The following PCDHGB4 variants were observed in gnomAD, a reference collection of about 807,000 sequenced individuals.
The protein encoded by PCDHGB4 is protocadherin gamma subfamily B, 4.
Under a neutral mutation model 60.5 loss-of-function variants are expected in PCDHGB4, and 38 were observed. The ratio of observed to expected loss-of-function variants is 0.63; its 90% CI spans 0.48 to 0.82. PCDHGB4 has a LOEUF of 0.82. Among genes scored for constraint, PCDHGB4 ranks in the 40% least tolerant of loss-of-function variants. PCDHGB4 has a pLI of 0.00. For missense variants in PCDHGB4, 1,109 were observed against 1,209.6 expected (o/e 0.92, Z 1.23); for synonymous variants, 456 against 509.7 (o/e 0.89, Z 1.42).
At chr5:141,398,700 C>T in intron 1 of PCDHGB4, 1 of 1,613,844 alleles carries the variant, frequency 6.2e-7, no homozygotes, top group Non-Finnish European at 8.5e-7. Context: ...GTAGTAAATA[C>T]CCGGAACTGG....
Position 141,511,132 on chromosome 5 carries a change from A to G in PCDHGB4, c.2731A>G (p.Asn911Asp). The change falls in exon 4 of 4, where the codon AAT (asparagine) becomes GAT (aspartate). Residue 911 changes from asparagine to aspartate, a missense_variant. Around this residue, in one of 2 missense-constraint regions of PCDHGB4, gnomAD observed 1,068 missense variants for 1,089.9 expected, o/e 0.98. Coordinates refer to ENST00000519479, the MANE Select transcript of PCDHGB4 (RefSeq NM_003736.4). ...GGATGGCAAGGCCCCAGCAGGTGGC[A>G]ATGGCAACAAGAAGAAGTCGGGCAA... ...KRDGKAPAGG[N>D]GNKKKSGKKE... is the part of the protein sequence containing the mutation. The G allele has an allele frequency of 6.2e-7, 1 of 1,614,218 alleles. No individual in the cohort carries two copies. Among genetic ancestry groups the G allele is most frequent in the Non-Finnish European group, 8.5e-7 (1 of 1,180,018 alleles).
At chr5:141,401,417 G>A (rs1404967672) in intron 1 of PCDHGB4, among the ~76,000 whole-genome samples, 1 of 152,136 alleles carries the variant, frequency 6.6e-6, no homozygotes, top group Non-Finnish European at 1.5e-5. Flanking sequence ...GAAAGAGAGA[G>A]ACTGATTCAC....
intron 1 of PCDHGB4, among the ~76,000 whole-genome samples, chr5:141,445,415 C>A (rs1235584061): frequency 6.6e-6 from 1 of 152,140 alleles, no homozygotes; most frequent in Non-Finnish European, 1.5e-5. Context: ...TAACTGTCTG[C>A]TATATGCAAG....
rs1342408505 is a variant in PCDHGB4 at position 141,409,977 on chromosome 5, T to C, written c.2397+19696T>C. The C allele has an allele frequency of 1.2e-6, 2 of 1,613,300 alleles. No individual in the cohort carries two copies. Among genetic ancestry groups the C allele is most frequent in the African/African-American group, 2.7e-5 (2 of 75,026 alleles). ...CCCGGCTACCTAGTGACTAAGGTGGTAGCGGTGGACGCCGACTCGGGACAC... is the reference window on the plus strand; with the variant it reads ...CCCGGCTACCTAGTGACTAAGGTGGCAGCGGTGGACGCCGACTCGGGACAC... On this transcript the variant is annotated intron_variant, in intron 1 of 3. Transcript: ENST00000519479.
intron 1 of PCDHGB4, chr5:141,391,114 A>G (rs2092301730): frequency 6.6e-6 from 1 of 152,176 alleles, no homozygotes; most frequent in African/African-American, 2.4e-5. Context: ...TAATATAGCT[A>G]GAGGTCTTCT....
rs200868391 is a variant in PCDHGB4 at position 141,415,586 on chromosome 5, C to T, written c.2397+25305C>T. 540 of 1,613,746 alleles carry T rather than the reference C, an allele frequency of 3.3e-4. No individual in the cohort carries two copies. Among genetic ancestry groups the T allele is most frequent in the Non-Finnish European group, 4.5e-4 (527 of 1,179,996 alleles). ...TCTTTGTTAGATGATTCGAAGTTTCCTATAGAGGATACCCCATTGGTTCCA... is the reference window on the plus strand; with the variant it reads ...TCTTTGTTAGATGATTCGAAGTTTCTTATAGAGGATACCCCATTGGTTCCA... On this transcript the variant is annotated intron_variant, in intron 1 of 3. Coordinates refer to ENST00000519479, the MANE Select transcript of PCDHGB4 (RefSeq NM_003736.4).
At chr5:141,415,314 C>A (rs375384840) in intron 1 of PCDHGB4, 1 of 1,614,238 alleles carries the variant, frequency 6.2e-7, no homozygotes, top group Non-Finnish European at 8.5e-7. Context: ...CCTTCGTCAT[C>A]GTGCTGCTGG....
In PCDHGB4 at chr5:141,491,632, C is replaced by T; in HGVS notation, c.2398-3175C>T. On this transcript the variant is annotated intron_variant, in intron 1 of 3. Transcript: ENST00000519479. This position sits in a 1 kb window ranked among gnomAD's most constrained non-coding sequence, Gnocchi z 6.9. ...TCTAAGACCCCTCAGCGTTCAGCAG[C>T]CCACAGCTCTGGCGCTGGAGCCTGA... 1.2e-6 allele frequency: 2 copies of T among 1,613,886 alleles called. No individual in the cohort carries two copies. The highest frequency in any genetic ancestry group is 1.7e-6 in the Non-Finnish European group (2 of 1,179,994).
In PCDHGB4 at chr5:141,389,303, G is replaced by A. The variant is rs773665051; in HGVS notation, c.1419G>A (p.Arg473=). Residue 473 remains arginine, a synonymous_variant, in exon 1 of 4, where the codon AGG becomes AGA. Coordinates refer to ENST00000519479, the MANE Select transcript of PCDHGB4 (RefSeq NM_003736.4). ...NPPGASISQV[R]ASDPDLGPNG... Reference sequence around the variant, plus strand: ...CTGGAGCCTCTATTTCACAAGTCAGGGCTTCTGATCCGGACTTGGGGCCCA... The same window carrying A: ...CTGGAGCCTCTATTTCACAAGTCAGAGCTTCTGATCCGGACTTGGGGCCCA... The A allele has an allele frequency of 2.5e-6, 4 of 1,613,882 alleles. No homozygotes were observed. Among genetic ancestry groups the A allele is most frequent in the Non-Finnish European group, 3.4e-6 (4 of 1,179,910 alleles).
intron 1 of PCDHGB4, among the ~76,000 whole-genome samples, chr5:141,446,777 C>CTT (rs1480571336): frequency 1.3e-5 from 2 of 152,072 alleles, no homozygotes; most frequent in Non-Finnish European, 2.9e-5. Flanking sequence ...GGTTACCATT[C>CTT]TTTTACTCTG....
intron 1 of PCDHGB4, among the ~76,000 whole-genome samples, chr5:141,449,586 C>T (rs2098645911): frequency 1.6e-5 from 2 of 125,482 alleles, no homozygotes; most frequent in East Asian, 2.3e-4. Context: ...AAGACTCTGT[C>T]TCAAAAAAAA....
chr5:141,475,254 C>T (rs776471860), intron 1 of PCDHGB4, among the ~76,000 whole-genome samples: 9 of 152,208 alleles, frequency 5.9e-5, no homozygotes, highest in Admixed American at 1.3e-4. Flanking sequence ...TGCTCTACAA[C>T]TGAGATCATG....
rs755878131 is a variant in PCDHGB4 at position 141,388,544 on chromosome 5, A to C, written c.660A>C (p.Pro220=). Residue 220 remains proline (P), a synonymous_variant, in exon 1 of 4, where the codon CCA becomes CCC. Coordinates refer to ENST00000519479, the MANE Select transcript of PCDHGB4 (RefSeq NM_003736.4). ...TGACTGCCTTGGACTTTGGAGCTCC[A>C]CCCCTAAGCAGCACTGCACAGATAC... The part of the protein sequence containing the change: ...LTLTALDFGA[P]PLSSTAQIHV... 5.6e-6 allele frequency: 9 copies of C among 1,613,654 alleles called. No individual in the cohort carries two copies. Among genetic ancestry groups the C allele is most frequent in the Non-Finnish European group, 6.8e-6 (8 of 1,179,890 alleles).
Position 141,485,950 on chromosome 5 carries a change from G to A in PCDHGB4, c.2398-8857G>A. ...TGTTGGAGAGCGCACCAGCGGGCAT[G>A]GTGCTCATCCAGCTCAATGCCTCAG... On this transcript the variant is annotated intron_variant, in intron 1 of 3. Transcript: ENST00000519479. The surrounding 1 kb of genome is among the most constrained non-coding windows in gnomAD (Gnocchi z 5.7). 6.2e-7 allele frequency: 1 copy of A among 1,614,184 alleles called. No individual in the cohort carries two copies. The highest frequency in any genetic ancestry group is 8.5e-7 in the Non-Finnish European group (1 of 1,180,030).
Position 141,485,048 on chromosome 5 carries a change from C to T in PCDHGB4, c.2398-9759C>T. ...AAACGGCGCGTAACCCTTGCGGCGC[C>T]GGCCGAACCGCGCCAGAGCTGGCGC... On this transcript the variant is annotated intron_variant, in intron 1 of 3. Transcript: ENST00000519479. The surrounding 1 kb of genome is among the most constrained non-coding windows in gnomAD (Gnocchi z 5.7). 1 of 770,392 alleles carries T rather than the reference C, an allele frequency of 1.3e-6. No individual in the cohort carries two copies. Among genetic ancestry groups the T allele is most frequent in the South Asian group, 1.7e-5 (1 of 58,120 alleles). 47.7% of individuals were successfully genotyped at this position (770,392 alleles called of 1,614,324 possible). A position where few individuals can be genotyped will look rare whatever the true frequency, so the allele number is the denominator to read the frequency against.
chr5:141,448,449 T>A (rs528049717), intron 1 of PCDHGB4, among the ~76,000 whole-genome samples: 1 of 152,166 alleles, frequency 6.6e-6, no homozygotes, highest in Non-Finnish European at 1.5e-5. Context: ...CTGACTTCCA[T>A]CCCTATCCTA....
intron 1 of PCDHGB4, among the ~76,000 whole-genome samples, chr5:141,455,161 T>G (rs6861291): frequency 0.084 from 8,821 of 104,682 alleles, 480 homozygotes; most frequent in African/African-American, 0.22. Context: ...AGTTTGTTGG[T>G]TTTTTTTTTA....
At chr5:141,413,588 A>C in intron 1 of PCDHGB4, 1 of 1,613,922 alleles carries the variant, frequency 6.2e-7, no homozygotes, top group South Asian at 1.1e-5. Flanking sequence ...CCAAAATTCC[A>C]AGCAGAAAAT....
intron 3 of PCDHGB4, among the ~76,000 whole-genome samples, chr5:141,509,751 A>T (rs1430265981): frequency 6.6e-6 from 1 of 151,998 alleles, no homozygotes; most frequent in Admixed American, 6.5e-5. Flanking sequence ...CCTGTGCCTA[A>T]AGTGTCCCTG....
Sources: allele counts gnomAD v4.1 joint callset (sites outside exome capture counted in the v4.1 genomes callset), GRCh38; gene constraint gnomAD v4.1.1; regional missense constraint gnomAD v4.1.1; non-coding constraint Gnocchi (gnomAD v3.1); transcripts MANE v1.5; gene names NCBI Gene and HGNC (gene_info 2026-07-23, HGNC 2026-07-21).